VAC14: variants seen among roughly 807,000 people sequenced by gnomAD.
VAC14 encodes the protein protein VAC14 homolog.
In VAC14, 47 loss-of-function variants were observed where a neutral mutation model predicts 85.3. The observed-to-expected ratio is 0.55, with a 90% CI of 0.44 to 0.70. The LOEUF (loss-of-function observed/expected upper bound fraction) is 0.70. Ranked by LOEUF, VAC14 falls within the 30% of genes least tolerant of loss-of-function variation. The pLI is 0.00. For missense variants in VAC14, 861 were observed against 1,004.3 expected, an observed-to-expected ratio of 0.86 and a Z score of 1.93; for synonymous variants, 447 against 430.5, an observed-to-expected ratio of 1.04 and a Z score of -0.47.
At chr16:70,740,296 G>A (rs138136500) in intron 13 of VAC14, among the ~76,000 whole-genome samples, 78 of 152,336 alleles carry the variant, frequency 5.1e-4, no homozygotes, top group Admixed American at 7.2e-4. Flanking sequence ...ATTGGGCCCC[G>A]TGGCAGGCAA....
rs2039608248 is a variant in VAC14 at position 70,750,059 on chromosome 16, G to C, written c.1372-5480C>G. Among the ~76,000 whole-genome samples, 4 of 152,230 alleles carry C rather than the reference G, an allele frequency of 2.6e-5. No homozygotes were observed. In the South Asian group the frequency reaches 8.3e-4, roughly 31 times the overall value. Reference sequence around the variant, plus strand: ...GAGACCCTGCAACCCTTGGTGTATAGGTAGAAACCTCTGGAGGAGAAGGCG... The same window carrying C: ...GAGACCCTGCAACCCTTGGTGTATACGTAGAAACCTCTGGAGGAGAAGGCG... On this transcript the variant is annotated intron_variant, in intron 12 of 18. Transcript: ENST00000261776.
At chr16:70,759,743 G>T (rs1162603253) in intron 12 of VAC14, among the ~76,000 whole-genome samples, 1 of 152,184 alleles carries the variant, frequency 6.6e-6, no homozygotes, top group Non-Finnish European at 1.5e-5. Flanking sequence ...TTCCCCTGGT[G>T]AAATCATGAG....
At chr16:70,699,217 A>G (rs924158558) in intron 14 of VAC14, 2 of 204,492 alleles carry the variant, frequency 9.8e-6, no homozygotes, top group Non-Finnish European at 2.0e-5. Flanking sequence ...TTCTCTTGCT[A>G]GAACTCATCT....
chr16:70,705,075 G>A (rs2053896632), intron 14 of VAC14, among the ~76,000 whole-genome samples: 1 of 152,198 alleles, frequency 6.6e-6, no homozygotes, highest in African/African-American at 2.4e-5. Flanking sequence ...GGCTCCCTTT[G>A]GGGACCCTCC....
chr16:70,800,981 G>A lies in VAC14; in HGVS notation c.-81C>T. On this transcript the variant is annotated 5_prime_UTR_variant, in exon 1 of 19. Coordinates refer to ENST00000261776, the MANE Select transcript of VAC14 (RefSeq NM_018052.5). Reference sequence around the variant, plus strand: ...CGGGGCCAGGGGAGTCTGCGGCTCCGCTCTGCCCCCGGCGCCGGCGCATGG... The same window carrying A: ...CGGGGCCAGGGGAGTCTGCGGCTCCACTCTGCCCCCGGCGCCGGCGCATGG... 2 of 1,009,048 alleles carry A rather than the reference G, an allele frequency of 2.0e-6. No individual in the cohort carries two copies. The highest frequency in any genetic ancestry group is 3.7e-5 in the South Asian group (2 of 54,662). The allele number at this position is 1,009,048 out of a possible 1,614,324, so 62.5% of individuals were successfully genotyped here. A position where few individuals can be genotyped will look rare whatever the true frequency, so the allele number is the denominator to read the frequency against.
chr16:70,774,862 C>G (rs2033441370), intron 9 of VAC14, among the ~76,000 whole-genome samples: 1 of 151,834 alleles, frequency 6.6e-6, no homozygotes, highest in Admixed American at 6.6e-5. Flanking sequence ...TCTCATGCCT[C>G]AGCTTCCTGA....
intron 14 of VAC14, among the ~76,000 whole-genome samples, chr16:70,728,918 G>A (rs2054508016): frequency 6.6e-6 from 1 of 152,132 alleles, no homozygotes; most frequent in African/African-American, 2.4e-5. Flanking sequence ...CTTTCCTGGT[G>A]GGGGGGCCTC....
intron 1 of VAC14, among the ~76,000 whole-genome samples, chr16:70,788,919 G>A (rs1264582416): frequency 6.6e-6 from 1 of 152,220 alleles, no homozygotes; most frequent in Non-Finnish European, 1.5e-5. Flanking sequence ...GTGCACACAT[G>A]AGAGCTGCTG....
In VAC14 at chr16:70,781,900, C is replaced by T. The variant is rs775353099; in HGVS notation, c.915G>A (p.Leu305=). The change falls in exon 8 of 19, where the codon TTG becomes TTA. Residue 305 remains leucine, a synonymous_variant. Coordinates refer to ENST00000261776, the MANE Select transcript of VAC14 (RefSeq NM_018052.5). ...TGCGGTCATCGTAGGCCAAGCAGGG[C>T]AAGACAGCAGTCAGGATCCCGGAGG... ...PYSSGILTAV[L]PCLAYDDRKK... 3.7e-6 allele frequency: 6 copies of T among 1,614,054 alleles called. No individual in the cohort carries two copies. The highest frequency in any genetic ancestry group is 5.1e-6 in the Non-Finnish European group (6 of 1,180,050).
intron 14 of VAC14, among the ~76,000 whole-genome samples, chr16:70,707,465 TC>T (rs1372945507): frequency 1.3e-5 from 2 of 152,068 alleles, no homozygotes; most frequent in Non-Finnish European, 1.5e-5. Flanking sequence ...TAGCCATCTG[TC>T]CCTCTGTGCA....
chr16:70,737,448 G>A (rs1302829806), intron 13 of VAC14, among the ~76,000 whole-genome samples: 1 of 152,196 alleles, frequency 6.6e-6, no homozygotes, highest in East Asian at 1.9e-4. Context: ...GAGGGGCCCA[G>A]GAGAGTGGGA....
In VAC14 at chr16:70,775,329, C is replaced by T. The variant is rs372538456; in HGVS notation, c.1097-3157G>A. On this transcript the variant is annotated intron_variant, in intron 9 of 18. Transcript: ENST00000261776. ...TTACTTTTCTCTACCTGCCCATCACCGCTCCCCGGGGTAGGCAAGTCTCTT... is the reference window on the plus strand; with the variant it reads ...TTACTTTTCTCTACCTGCCCATCACTGCTCCCCGGGGTAGGCAAGTCTCTT... Among the ~76,000 whole-genome samples, 12 of 152,322 alleles carry T rather than the reference C, an allele frequency of 7.9e-5. No homozygotes were observed. In the South Asian group the frequency reaches 2.5e-3, roughly 32 times the overall value.
chr16:70,789,529 A>C (rs932434672), intron 1 of VAC14, among the ~76,000 whole-genome samples: 5 of 152,182 alleles, frequency 3.3e-5, no homozygotes, highest in African/African-American at 7.2e-5. Flanking sequence ...CAGTGGTAGA[A>C]TTCTCGCCTG....
intron 13 of VAC14, among the ~76,000 whole-genome samples, chr16:70,735,612 A>C (rs1240525304): frequency 6.6e-6 from 1 of 152,212 alleles, no homozygotes; most frequent in Non-Finnish European, 1.5e-5. Flanking sequence ...TGTTTTTCCC[A>C]GCTGTGAATC....
intron 14 of VAC14, among the ~76,000 whole-genome samples, chr16:70,730,384 G>A (rs534155697): frequency 1.4e-4 from 22 of 152,114 alleles, no homozygotes; most frequent in African/African-American, 5.1e-4. Flanking sequence ...ACAGGCTGAA[G>A]CTGCTTATTA....
At chr16:70,724,877 G>A (rs1349335957) in intron 14 of VAC14, among the ~76,000 whole-genome samples, 1 of 152,226 alleles carries the variant, frequency 6.6e-6, no homozygotes, top group Non-Finnish European at 1.5e-5. Flanking sequence ...GGGCCCAATC[G>A]ATACGGCTAC....
At chr16:70,779,095 C>T (rs2033678436) in intron 9 of VAC14, 1 of 152,254 alleles carries the variant, frequency 6.6e-6, no homozygotes, top group Non-Finnish European at 1.5e-5. Context: ...AATTCTACCA[C>T]TGAACCACCA....
chr16:70,789,479 G>A (rs760767430), intron 1 of VAC14, among the ~76,000 whole-genome samples: 3 of 152,194 alleles, frequency 2.0e-5, no homozygotes, highest in Admixed American at 2.0e-4. Context: ...GTTAAAGGGA[G>A]GTGCGCACAC....
intron 9 of VAC14, among the ~76,000 whole-genome samples, chr16:70,779,875 C>A (rs1345142783): frequency 6.6e-6 from 1 of 151,612 alleles, no homozygotes; most frequent in African/African-American, 2.4e-5. Flanking sequence ...TTCTCTGTTG[C>A]CTAGGTTGGA....
Sources: gnomAD v4.1 joint callset for allele counts (sites outside exome capture counted in the v4.1 genomes callset) on GRCh38, gnomAD v4.1.1 for gene constraint, MANE v1.5 for transcripts, NCBI Gene and HGNC (gene_info 2026-07-23, HGNC 2026-07-21) for gene names.